STEEP1: variants seen among roughly 807,000 people sequenced by gnomAD.
STEEP1 encodes STING ER exit protein.
In STEEP1, 3 loss-of-function variants were observed where a neutral mutation model predicts 19.2. The observed-to-expected ratio is 0.16, with a 90% CI of 0.07 to 0.40. The LOEUF (loss-of-function observed/expected upper bound fraction) is 0.40. STEEP1 is among the 10% of genes least tolerant of loss of function. STEEP1 has a pLI of 0.99. For missense variants in STEEP1, 54 were observed against 177.1 expected (o/e 0.30, Z 3.94); for synonymous variants, 46 against 63.7 (o/e 0.72, Z 1.32).
intron 2 of STEEP1, among the ~76,000 whole-genome samples, chrX:119,557,591 A>G (rs774612451): frequency 2.1e-4 from 23 of 111,751 alleles, no homozygotes; most frequent in African/African-American, 7.5e-4. Flanking sequence ...TAATTAGTTA[A>G]GTTAAAATGA....
At chrX:119,555,138 T>A (rs1250841569) in intron 2 of STEEP1, among the ~76,000 whole-genome samples, 1 of 109,738 alleles carries the variant, frequency 9.1e-6, no homozygotes, top group Admixed American at 9.8e-5. Context: ...AGATGACTGT[T>A]TACATAGTCA....
At chrX:119,542,649 G>T in intron 4 of STEEP1, 55 bp from the exon 5 acceptor site, 1 of 891,434 alleles carries the variant, frequency 1.1e-6, no homozygotes, top group Non-Finnish European at 1.7e-6. Context: ...GGATCCATGA[G>T]CCGTGAGTGT....
intron 2 of STEEP1, among the ~76,000 whole-genome samples, 159 bp from the exon 3 acceptor site, chrX:119,545,663 G>A (rs963116572): frequency 9.0e-6 from 1 of 111,485 alleles, no homozygotes; most frequent in African/African-American, 3.2e-5. Context: ...CTGGGAGGCT[G>A]AGGCGGGCGG....
At chrX:119,561,528 C>G (rs1388931947) in intron 1 of STEEP1, among the ~76,000 whole-genome samples, 1 of 109,644 alleles carries the variant, frequency 9.1e-6, no homozygotes, top group Non-Finnish European at 1.9e-5. Context: ...ATTAGCAGGG[C>G]GTGGTGGCAC....
chrX:119,542,176 C>T (rs1444822174), intron 5 of STEEP1, among the ~76,000 whole-genome samples: 1 of 106,934 alleles, frequency 9.4e-6, no homozygotes, highest in Non-Finnish European at 1.9e-5. Context: ...AAGCGATTCT[C>T]ATGCCTCAGC....
intron 2 of STEEP1, among the ~76,000 whole-genome samples, chrX:119,559,583 T>C (rs1225176592): frequency 9.0e-6 from 1 of 111,227 alleles, no homozygotes; most frequent in Non-Finnish European, 1.9e-5. Flanking sequence ...CCTATCACAA[T>C]AGGAGTCATT....
chrX:119,546,542 C>T (rs1343209791), intron 2 of STEEP1, among the ~76,000 whole-genome samples: 2 of 110,783 alleles, frequency 1.8e-5, no homozygotes, highest in African/African-American at 3.3e-5. Context: ...AATGAAGAAC[C>T]TAGGCCCACA....
chrX:119,546,422 C>T (rs866677863), intron 2 of STEEP1, among the ~76,000 whole-genome samples: 1 of 84,618 alleles, frequency 1.2e-5, no homozygotes, highest in Admixed American at 1.5e-4. Context: ...GCCTGGGTGA[C>T]GGAACGAGAC....
intron 1 of STEEP1, among the ~76,000 whole-genome samples, chrX:119,564,818 C>T (rs2053346035): frequency 9.0e-6 from 1 of 111,166 alleles, no homozygotes; most frequent in Admixed American, 9.6e-5. Flanking sequence ...GGGGTTATAG[C>T]TGGAGGGGAA....
chrX:119,561,750 G>C (rs1006438748), intron 1 of STEEP1, among the ~76,000 whole-genome samples: 2 of 111,921 alleles, frequency 1.8e-5, no homozygotes, highest in Middle Eastern at 4.6e-3. Context: ...AAAGTCAAGT[G>C]GTCAGAGTAA....
At chrX:119,565,186 G>C (rs971681085) in intron 1 of STEEP1, 46 bp downstream of exon 1, 1 of 1,159,344 alleles carries the variant, frequency 8.6e-7, no homozygotes, top group African/African-American at 1.8e-5. Flanking sequence ...TCAAGAACCC[G>C]AAGTCTGGCT....
At chrX:119,563,567 A>G (rs746955511) in intron 1 of STEEP1, among the ~76,000 whole-genome samples, 100 of 105,815 alleles carry the variant, frequency 9.5e-4, no homozygotes, top group African/African-American at 3.4e-3. Flanking sequence ...AAAGAAAAAA[A>G]AAAAAACTAG....
intron 2 of STEEP1, among the ~76,000 whole-genome samples, chrX:119,546,240 A>G (rs1485574700): frequency 9.1e-6 from 1 of 110,193 alleles, no homozygotes; most frequent in Admixed American, 9.8e-5. Context: ...AAGGAGTTCG[A>G]GACTATCCTG....
intron 2 of STEEP1, among the ~76,000 whole-genome samples, chrX:119,548,270 C>T: frequency 9.0e-6 from 1 of 111,258 alleles, no homozygotes; most frequent in East Asian, 2.8e-4. Context: ...TGCAGTGGCT[C>T]ACGCCTGTAA....
chrX:119,555,766 C>T (rs181343952), intron 2 of STEEP1, among the ~76,000 whole-genome samples: 1 of 110,769 alleles, frequency 9.0e-6, no homozygotes, highest in Admixed American at 9.8e-5. Flanking sequence ...AAGGCAGAAT[C>T]GACAGTACAT....
intron 2 of STEEP1, among the ~76,000 whole-genome samples, chrX:119,553,108 C>A (rs1374690489): frequency 9.6e-6 from 1 of 103,926 alleles, no homozygotes; most frequent in African/African-American, 3.5e-5. Flanking sequence ...GAACGGAGAT[C>A]GCGCCGTTGC....
At chrX:119,556,138 A>C (rs908812004) in intron 2 of STEEP1, among the ~76,000 whole-genome samples, 2 of 111,219 alleles carry the variant, frequency 1.8e-5, no homozygotes, top group African/African-American at 3.3e-5. Flanking sequence ...GGATGGAATA[A>C]GGATAAAGGG....
intron 2 of STEEP1, among the ~76,000 whole-genome samples, chrX:119,548,940 T>C (rs1227126295): frequency 1.8e-5 from 2 of 112,042 alleles, no homozygotes; most frequent in East Asian, 5.6e-4. Flanking sequence ...ATGGATGGAC[T>C]TGGAGGACAT....
intron 2 of STEEP1, among the ~76,000 whole-genome samples, chrX:119,558,871 T>C (rs1344226728): frequency 9.0e-6 from 1 of 110,517 alleles, no homozygotes; most frequent in African/African-American, 3.3e-5. Context: ...TTCCCATATA[T>C]ACCAAACTCC....
Sources: gnomAD v4.1 joint callset for allele counts (sites outside exome capture counted in the v4.1 genomes callset) on GRCh38, gnomAD v4.1.1 for gene constraint, MANE v1.5 for transcripts, NCBI Gene and HGNC (gene_info 2026-07-23, HGNC 2026-07-21) for gene names.